Variants in SOS2 observed in about 807,000 individuals in gnomAD.
SOS2 encodes the protein son of sevenless homolog 2.
A neutral mutation model predicts 148.2 loss-of-function variants in SOS2; 65 were observed. The ratio of observed to expected loss-of-function variants is 0.44; its 90% CI spans 0.36 to 0.54. The LOEUF is 0.54. Among genes scored for constraint, SOS2 ranks in the 20% least tolerant of loss-of-function variants. The probability of loss-of-function intolerance (pLI) is 0.00; values close to 1 mark genes in which losing one functional copy is unlikely to be tolerated. For missense variants in SOS2, 1,341 were observed against 1,590.2 expected (o/e 0.84, Z 2.67); for synonymous variants, 539 against 537.1 (o/e 1.00, Z -0.05).
At chr14:50,180,826 G>A in intron 6 of SOS2, 144 bp from the exon 7 acceptor site, 1 of 479,996 alleles carries the variant, frequency 2.1e-6, no homozygotes, top group South Asian at 3.7e-5. Context: ...TCGAGCAACA[G>A]AGTGAAACCC....
intron 20 of SOS2, among the ~76,000 whole-genome samples, 177 bp downstream of exon 20, chr14:50,130,324 T>A (rs1411257829): frequency 6.6e-6 from 1 of 152,232 alleles, no homozygotes; most frequent in Non-Finnish European, 1.5e-5. Context: ...ATAATATGCA[T>A]CAACAATGCA....
chr14:50,131,716 T>G, intron 19 of SOS2, among the ~76,000 whole-genome samples: 1 of 152,112 alleles, frequency 6.6e-6, no homozygotes, highest in East Asian at 1.9e-4. Context: ...AATGGTGAGA[T>G]CACTAATACT....
chr14:50,218,529 A>AAAAAAC (rs1239042531), intron 1 of SOS2, among the ~76,000 whole-genome samples: 2 of 152,128 alleles, frequency 1.3e-5, no homozygotes, highest in South Asian at 4.1e-4. Flanking sequence ...TCCCCCCAAA[A>AAAAAAC]AAAAACAAAA....
chr14:50,161,895 C>T lies in SOS2; in HGVS notation c.1069-286G>A, dbSNP rs562137699. 4.6e-5 allele frequency among the ~76,000 whole-genome samples: 7 copies of T among 151,080 alleles called. No homozygotes were observed. The East Asian group carries it at 1.2e-3, about 25-fold the overall frequency. On this transcript the variant is annotated intron_variant, in intron 8 of 22. Transcript: ENST00000216373. ...CCTCTCAAGTAGCTGAGACCACAGG[C>T]GAATGCCACCACACCCAGCTAATTT...
chr14:50,196,080 G>A (rs980434769), intron 4 of SOS2, among the ~76,000 whole-genome samples: 2 of 152,102 alleles, frequency 1.3e-5, no homozygotes, highest in African/African-American at 2.4e-5. Context: ...ATGCATATGT[G>A]TTTTCACTTA....
intron 8 of SOS2, among the ~76,000 whole-genome samples, chr14:50,165,641 A>C (rs985348324): frequency 3.3e-5 from 5 of 152,154 alleles, no homozygotes; most frequent in South Asian, 4.1e-4. Context: ...TAAACATCTT[A>C]ATGCCTAGGG....
At position 50,130,752 on chromosome 14, in the gene SOS2, G is replaced by T; in HGVS notation, c.3086C>A (p.Ser1029Ter). 6.2e-7 allele frequency: 1 copy of T among 1,602,194 alleles called. No homozygotes were observed. Among genetic ancestry groups the T allele is most frequent in the South Asian group, 1.1e-5 (1 of 89,052 alleles). Residue 1029 changes from serine to a stop codon, truncating the protein, a stop_gained, in exon 20 of 23, where the codon TCA (serine) becomes TAA (stop). Transcript: ENST00000216373. LOFTEE classifies it high-confidence loss of function. ...CKQPPRFPRK[S>*]TFSLKSPGIR... ...TCCAGGAGATTTTAAGGAAAAAGTTGATTTCCTAGGCTGAGAAAAGCAAAC... is the reference window on the plus strand; with the variant it reads ...TCCAGGAGATTTTAAGGAAAAAGTTTATTTCCTAGGCTGAGAAAAGCAAAC...
At chr14:50,211,005 G>A (rs1185066877) in intron 1 of SOS2, among the ~76,000 whole-genome samples, 1 of 149,904 alleles carries the variant, frequency 6.7e-6, no homozygotes, top group African/African-American at 2.5e-5. Context: ...GATATGTATA[G>A]TCTATGACTG....
intron 1 of SOS2, 46 bp downstream of exon 1, chr14:50,231,151 G>C (rs756355470): frequency 1.0e-5 from 12 of 1,190,464 alleles, no homozygotes; most frequent in African/African-American, 1.6e-5. Flanking sequence ...TTAGAAGCTC[G>C]GGGGGCCACG....
intron 21 of SOS2, among the ~76,000 whole-genome samples, chr14:50,122,789 G>A (rs930246267): frequency 2.0e-5 from 3 of 152,166 alleles, no homozygotes; most frequent in Non-Finnish European, 4.4e-5. Context: ...TTTAGTGCCT[G>A]CATTTATTCC....
chr14:50,221,549 A>C (rs1442119616), intron 1 of SOS2, among the ~76,000 whole-genome samples: 11 of 152,244 alleles, frequency 7.2e-5, no homozygotes, highest in Admixed American at 7.2e-4. Flanking sequence ...AATCCTAGAC[A>C]CTAAACAAAG....
intron 18 of SOS2, among the ~76,000 whole-genome samples, chr14:50,134,901 C>G (rs1056190118): frequency 2.0e-5 from 3 of 151,000 alleles, no homozygotes; most frequent in African/African-American, 4.9e-5. Flanking sequence ...TGAAGAAACC[C>G]CATCTCTACT....
At chr14:50,184,097 A>G (rs568079251) in intron 5 of SOS2, among the ~76,000 whole-genome samples, 3 of 152,356 alleles carry the variant, frequency 2.0e-5, no homozygotes, top group East Asian at 1.9e-4. Context: ...GTAAAAATAT[A>G]GTATAATCTT....
intron 7 of SOS2, among the ~76,000 whole-genome samples, chr14:50,177,452 C>T (rs994066036): frequency 6.7e-6 from 1 of 150,218 alleles, no homozygotes; most frequent in African/African-American, 2.5e-5. Context: ...GAGTTTGGCC[C>T]GAAAAAGGAT....
chr14:50,178,671 C>CATATATATATAT (rs1170021476), intron 7 of SOS2, among the ~76,000 whole-genome samples: 9 of 14,440 alleles, frequency 6.2e-4, no homozygotes, highest in Non-Finnish European at 1.1e-3. Context: ...TGTGTGTGTG[C>CATATATATATAT]ATATATATAT....
rs1254454616 is a variant in SOS2 at position 50,138,624 on chromosome 14, T to G, written c.2946A>C (p.Glu982Asp). ...AGAAAATATTTACCCTCATATCTGG[T>G]TCTATCCGTAAACAGTAAGGCTGAT... ...YQNQPYCLRI[E>D]PDMRRFFENL... The change falls in exon 18 of 23, where the codon GAA becomes GAC. Residue 982 changes from glutamate to aspartate, a missense_variant. Transcript: ENST00000216373. 6.5e-7 allele frequency: 1 copy of G among 1,542,564 alleles called. No individual in the cohort carries two copies. The highest frequency in any genetic ancestry group is 8.7e-7 in the Non-Finnish European group (1 of 1,144,132).
intron 7 of SOS2, among the ~76,000 whole-genome samples, chr14:50,178,492 C>T (rs1045138994): frequency 4.0e-5 from 6 of 151,682 alleles, no homozygotes; most frequent in Non-Finnish European, 7.4e-5. Flanking sequence ...GAGACAGAGT[C>T]TCACTCTGTA....
At chr14:50,203,913 T>G (rs1385925409) in intron 2 of SOS2, among the ~76,000 whole-genome samples, 1 of 151,938 alleles carries the variant, frequency 6.6e-6, no homozygotes, top group Non-Finnish European at 1.5e-5. Flanking sequence ...TTGAGTCCTC[T>G]CTAAAAAATA....
chr14:50,128,710 T>C (rs1171990913), intron 21 of SOS2, among the ~76,000 whole-genome samples: 5 of 152,202 alleles, frequency 3.3e-5, no homozygotes. Flanking sequence ...AGAACCACTG[T>C]TAATTTCATT....
Sources: gnomAD v4.1 joint callset for allele counts (sites outside exome capture counted in the v4.1 genomes callset) on GRCh38, gnomAD v4.1.1 for gene constraint, MANE v1.5 for transcripts, NCBI Gene and HGNC (gene_info 2026-07-23, HGNC 2026-07-21) for gene names.